Variants in ADCK5 observed in about 807,000 individuals in gnomAD.
ADCK5 encodes aarF domain containing kinase 5, also known as uncharacterized aarF domain-containing protein kinase 5.
Under a neutral mutation model 64.9 loss-of-function variants are expected in ADCK5, and 43 were observed. That is an observed-to-expected ratio of 0.66 (90% CI 0.52 to 0.85). The LOEUF is 0.85. Among genes scored for constraint, ADCK5 ranks in the 40% least tolerant of loss-of-function variants. ADCK5 has a pLI of 0.00. For synonymous variants in ADCK5, 434 were observed against 342.8 expected (o/e 1.27, Z -2.94); for missense variants, 760 against 810.5 (o/e 0.94, Z 0.76).
chr8:144,391,349 C>T lies in ADCK5; in HGVS notation c.685-12C>T, dbSNP rs1045070804. On this transcript the variant is annotated splice_polypyrimidine_tract_variant and intron_variant, in intron 6 of 14. Coordinates refer to ENST00000308860, the MANE Select transcript of ADCK5 (RefSeq NM_174922.5). ...GGGCCCCAAGTTCTCACCACACCCT[C>T]GCCCAGTGCAGGTGCAGTACATCGA... 1.8e-5 allele frequency: 29 copies of T among 1,612,828 alleles called. No individual in the cohort carries two copies. Among genetic ancestry groups the T allele is most frequent in the South Asian group, 4.4e-5 (4 of 91,082 alleles).
rs781886405 is a variant in ADCK5, at chr8:144,374,123, G to T, written c.12+16G>T. On this transcript the variant is annotated intron_variant, in intron 1 of 14. Coordinates refer to ENST00000308860, the MANE Select transcript of ADCK5 (RefSeq NM_174922.5). The stretch of plus-strand genomic sequence containing the variant: ...GTGGCGACCGGTGAGGACTCTCCCG[G>T]CCCGGGGCGCCCGAGATCCTGCACA... 8.0e-6 allele frequency: 10 copies of T among 1,248,266 alleles called. No individual in the cohort carries two copies. The African/African-American group carries it at 1.2e-4, about 15-fold the overall frequency. 77.3% of individuals were successfully genotyped at this position (1,248,266 alleles called of 1,614,324 possible). A position where few individuals can be genotyped will look rare whatever the true frequency, so the allele number is the denominator to read the frequency against.
rs890637128 is a variant in ADCK5, at chr8:144,390,139, C to G, written c.267-532C>G. 2.0e-5 allele frequency among the ~76,000 whole-genome samples: 3 copies of G among 151,242 alleles called. No homozygotes were observed. In the East Asian group the frequency reaches 5.9e-4, roughly 30 times the overall value. On this transcript the variant is annotated intron_variant, in intron 3 of 14. Coordinates refer to ENST00000308860, the MANE Select transcript of ADCK5 (RefSeq NM_174922.5). ...AGCCACTGTGCCCAGCTCTGCAGAT[C>G]TTTTTTGGACGGAGTCTCGCTCTGT...
rs1564666296 is a variant in ADCK5, at chr8:144,376,163, C to G, written c.12+2056C>G. The stretch of plus-strand genomic sequence containing the variant: ...GCTCAGCCTCATGGGCCCTGGCAGG[C>G]ACTGTGGGTTATCAGTGCCTGTTGC... On this transcript the variant is annotated intron_variant, in intron 1 of 14. Coordinates refer to ENST00000308860, the MANE Select transcript of ADCK5 (RefSeq NM_174922.5). The surrounding 1 kb of genome is among the most constrained non-coding windows in gnomAD (Gnocchi z 5.1). Among the ~76,000 whole-genome samples, 1 of 152,340 alleles carries G rather than the reference C, an allele frequency of 6.6e-6. No homozygotes were observed. Among genetic ancestry groups the G allele is most frequent in the East Asian group, 1.9e-4 (1 of 5,182 alleles).
chr8:144,378,952 G>A (rs1254569700), intron 1 of ADCK5, among the ~76,000 whole-genome samples: 1 of 142,622 alleles, frequency 7.0e-6, no homozygotes, highest in African/African-American at 2.6e-5. Flanking sequence ...TTTTTTTCTT[G>A]AGATGGAGTT....
chr8:144,379,410 T>C lies in ADCK5; in HGVS notation c.36T>C (p.Ser12=). The change falls in exon 2 of 15, where the codon TCT becomes TCC. Residue 12 remains serine (S), a synonymous_variant. Transcript: ENST00000308860. Reference sequence around the variant, plus strand: ...AGGTGCAGCTCTGTCATTTCCACTCTGCTCTGCTGCACAGCAGGCAGAAGC... The same window carrying C: ...AGGTGCAGCTCTGTCATTTCCACTCCGCTCTGCTGCACAGCAGGCAGAAGC... ...WRPVQLCHFH[S]ALLHSRQKPW... The C allele has an allele frequency of 3.7e-6, 6 of 1,609,658 alleles. No individual in the cohort carries two copies. Among genetic ancestry groups the C allele is most frequent in the Non-Finnish European group, 4.2e-6 (5 of 1,177,514 alleles).
In ADCK5 at chr8:144,393,018, G is replaced by A. The variant is rs782451383; in HGVS notation, c.1687G>A (p.Val563Ile). Residue 563 changes from valine to isoleucine, a missense_variant, in exon 15 of 15, where the codon GTC (valine) becomes ATC (isoleucine). By Grantham distance (29) the Val-to-Ile change is conservative. Coordinates refer to ENST00000308860, the MANE Select transcript of ADCK5 (RefSeq NM_174922.5). ...RLTALLARAL[V>I]HLSLVPPAEE... is the part of the protein sequence containing the mutation. The stretch of plus-strand genomic sequence containing the variant: ...GACCGCCCTCCTGGCTCGTGCTCTG[G>A]TCCACCTGAGCCTCGTGCCCCCAGC... The A allele has an allele frequency of 3.8e-6, 6 of 1,591,636 alleles. No homozygotes were observed. The South Asian group carries it at 5.7e-5, about 15-fold the overall frequency.
Position 144,392,983 on chromosome 8 carries a change from C to T in ADCK5, c.1652C>T (p.Ala551Val), listed in dbSNP as rs1403533272. The T allele has an allele frequency of 3.1e-6, 5 of 1,588,328 alleles. No individual in the cohort carries two copies. The highest frequency in any genetic ancestry group is 1.8e-5 in the Admixed American group (1 of 56,816). Residue 551 changes from alanine to valine, a missense_variant, in exon 15 of 15, where the codon GCC becomes GTC. Around this residue, in one of 2 missense-constraint regions of ADCK5, gnomAD observed 333 missense variants for 292.0 expected, o/e 1.14. Coordinates refer to ENST00000308860, the MANE Select transcript of ADCK5 (RefSeq NM_174922.5). ...GACCCACGCAGGCTGGAGACCTTGG[C>T]CATGCGGCTGACCGCCCTCCTGGCT... is the stretch of plus-strand genomic sequence containing the variant. ...FEVALRLETL[A>V]MRLTALLARA...
Position 144,390,690 on chromosome 8 carries a change from C to A in ADCK5, c.286C>A (p.Gln96Lys). The A allele has an allele frequency of 1.2e-6, 2 of 1,613,778 alleles. No individual in the cohort carries two copies. Among genetic ancestry groups the A allele is most frequent in the Non-Finnish European group, 8.5e-7 (1 of 1,180,002 alleles). Residue 96 changes from glutamine to lysine, a missense_variant, in exon 4 of 15, where the codon CAG becomes AAG. Gln to Lys is a moderately conservative substitution (Grantham distance 53). Transcript: ENST00000308860. ...CCGCAGGTCTCTGAAGGTCGGCCTG[C>A]AGATCTCCCTGGACTACTGGTGGTG... ...RFGRSLKVGLQISLDYWWCTN... is the reference protein window; with the variant it reads ...RFGRSLKVGLKISLDYWWCTN...
At chr8:144,374,839 G>A (rs1819300100) in intron 1 of ADCK5, among the ~76,000 whole-genome samples, 1 of 152,140 alleles carries the variant, frequency 6.6e-6, no homozygotes, top group Non-Finnish European at 1.5e-5. Context: ...GCGTCTCCCC[G>A]CTCCCACGTC....
chr8:144,377,251 T>C (rs1035862462), intron 1 of ADCK5: 3 of 152,158 alleles, frequency 2.0e-5, no homozygotes, highest in African/African-American at 4.8e-5. Context: ...GTTTTCTTTC[T>C]TTTTTTTAAT....
At chr8:144,383,265 G>T (rs376065428) in intron 3 of ADCK5, 35 bp downstream of exon 3, 10 of 1,527,254 alleles carry the variant, frequency 6.5e-6, no homozygotes, top group Non-Finnish European at 7.9e-6. Flanking sequence ...GGGTTGCGGC[G>T]TGGCGGGCGG....
At chr8:144,387,605 A>G (rs1819979097) in intron 3 of ADCK5, among the ~76,000 whole-genome samples, 1 of 147,736 alleles carries the variant, frequency 6.8e-6, no homozygotes, top group South Asian at 2.1e-4. Flanking sequence ...GGGTTTCTCC[A>G]TGTTGGCCAA....
chr8:144,388,487 G>T (rs1370377498), intron 3 of ADCK5, among the ~76,000 whole-genome samples: 1 of 151,652 alleles, frequency 6.6e-6, no homozygotes, highest in Non-Finnish European at 1.5e-5. Flanking sequence ...AGTTAGAGCC[G>T]GGCACGGTGG....
At chr8:144,389,977 C>T (rs1820132708) in intron 3 of ADCK5, among the ~76,000 whole-genome samples, 1 of 152,036 alleles carries the variant, frequency 6.6e-6, no homozygotes, top group Non-Finnish European at 1.5e-5. Context: ...TACAGGTGTG[C>T]ACCACCACAC....
chr8:144,392,748 G>C (rs781855201), intron 13 of ADCK5, 28 bp from the exon 14 acceptor site: 9 of 1,586,482 alleles, frequency 5.7e-6, no homozygotes, highest in African/African-American at 4.0e-5. Context: ...GTGTGGGGCT[G>C]ACGCGGCGCT....
intron 13 of ADCK5, 27 bp from the exon 14 acceptor site, chr8:144,392,749 A>G (rs1554861514): frequency 3.2e-6 from 5 of 1,585,766 alleles, no homozygotes; most frequent in Non-Finnish European, 3.4e-6. Context: ...TGTGGGGCTG[A>G]CGCGGCGCTA....
intron 3 of ADCK5, among the ~76,000 whole-genome samples, chr8:144,388,557 G>A (rs1159124297): frequency 6.6e-6 from 1 of 152,052 alleles, no homozygotes; most frequent in Non-Finnish European, 1.5e-5. Context: ...GAGGTCGGGA[G>A]ATCGAGACCA....
intron 1 of ADCK5, among the ~76,000 whole-genome samples, chr8:144,378,467 T>C (rs1819465262): frequency 6.6e-6 from 1 of 151,936 alleles, no homozygotes. Context: ...TCTCTCTCTC[T>C]CCGCCCCCCC....
At chr8:144,386,077 C>G (rs190335020) in intron 3 of ADCK5, among the ~76,000 whole-genome samples, 191 of 151,788 alleles carry the variant, frequency 1.3e-3, no homozygotes, top group African/African-American at 4.2e-3. Context: ...GGCTTCGTCT[C>G]AGCTCACTGC....
Sources: allele counts gnomAD v4.1 joint callset (sites outside exome capture counted in the v4.1 genomes callset), GRCh38; gene constraint gnomAD v4.1.1; regional missense constraint gnomAD v4.1.1; non-coding constraint Gnocchi (gnomAD v3.1); transcripts MANE v1.5; gene names NCBI Gene and HGNC (gene_info 2026-07-23, HGNC 2026-07-21).